Variants in SRF observed in about 807,000 individuals in gnomAD.
SRF encodes c-fos serum response element-binding transcription factor.
A neutral mutation model predicts 37.1 loss-of-function variants in SRF; 7 were observed. That is an observed-to-expected ratio of 0.19 (90% confidence interval 0.11 to 0.35). The LOEUF (loss-of-function observed/expected upper bound fraction) is 0.35. Among genes scored for constraint, SRF ranks in the 10% least tolerant of loss-of-function variants. SRF has a pLI of 1.00. For missense variants in SRF, 395 were observed against 694.4 expected, an observed-to-expected ratio of 0.57 and a Z score of 4.85; for synonymous variants, 285 against 310.1, an observed-to-expected ratio of 0.92 and a Z score of 0.85.
chr6:43,175,673 G>A (rs376046050), intron 2 of SRF, 33 bp from the exon 3 acceptor site: 2 of 1,610,948 alleles, frequency 1.2e-6, no homozygotes, highest in African/African-American at 2.7e-5. Context: ...GATCTGGTAG[G>A]GGCTCATTGC....
chr6:43,175,624 T>G (rs948227122), intron 2 of SRF, 82 bp from the exon 3 acceptor site: 1 of 1,573,906 alleles, frequency 6.4e-7, no homozygotes, highest in Non-Finnish European at 8.7e-7. Flanking sequence ...CTGGTTTCAG[T>G]CTGGGTTCTC....
In SRF at chr6:43,173,832, C is replaced by A. The variant is rs1342663422; in HGVS notation, c.514-15C>A. The A allele has an allele frequency of 1.9e-6, 3 of 1,607,690 alleles. No homozygotes were observed. The highest frequency in any genetic ancestry group is 2.6e-6 in the Non-Finnish European group (3 of 1,175,238). Reference sequence around the variant, plus strand: ...AAAGTTTGCTGACCTGCCCATCTCCCTCCTCACCCCTCAGGCCTATGAGCT... The same window carrying A: ...AAAGTTTGCTGACCTGCCCATCTCCATCCTCACCCCTCAGGCCTATGAGCT... On this transcript the variant is annotated splice_polypyrimidine_tract_variant and intron_variant, in intron 1 of 6. Transcript: ENST00000265354. The surrounding 1 kb of genome is among the most constrained non-coding windows in gnomAD (Gnocchi z 4.2).
rs1367619221 is a variant in SRF, at chr6:43,176,287, A to G, written c.1043-261A>G. Among the ~76,000 whole-genome samples the G allele has an allele frequency of 6.6e-6, 1 of 152,106 alleles. No homozygotes were observed. The highest frequency in any genetic ancestry group is 1.5e-5 in the Non-Finnish European group (1 of 68,022). On this transcript the variant is annotated intron_variant, in intron 3 of 6. Coordinates refer to ENST00000265354, the MANE Select transcript of SRF (RefSeq NM_003131.4). The surrounding 1 kb of genome is among the most constrained non-coding windows in gnomAD (Gnocchi z 4.0). Reference sequence around the variant, plus strand: ...GACTGGAAGGCAGATCATGTCTTTGATGGGTTATTGCCAGCTCTTGGGTCA... The same window carrying G: ...GACTGGAAGGCAGATCATGTCTTTGGTGGGTTATTGCCAGCTCTTGGGTCA...
Position 43,176,676 on chromosome 6 carries a change from C to G in SRF, c.1162+9C>G, listed in dbSNP as rs777014183. Reference sequence around the variant, plus strand: ...CTCCTCCAGCGGGACAGGTATAGCTCGCAGCCCTGTCACCCTCCCTCCCTG... The same window carrying G: ...CTCCTCCAGCGGGACAGGTATAGCTGGCAGCCCTGTCACCCTCCCTCCCTG... On this transcript the variant is annotated intron_variant, in intron 4 of 6. Coordinates refer to ENST00000265354, the MANE Select transcript of SRF (RefSeq NM_003131.4). This position sits in a 1 kb window ranked among gnomAD's most constrained non-coding sequence, Gnocchi z 4.0. 8.1e-6 allele frequency: 13 copies of G among 1,612,854 alleles called. No homozygotes were observed. The East Asian group carries it at 2.7e-4, about 33-fold the overall frequency.
chr6:43,177,293 C>G (rs1396978953), intron 4 of SRF, among the ~76,000 whole-genome samples: 1 of 144,818 alleles, frequency 6.9e-6, no homozygotes, highest in African/African-American at 2.7e-5. Flanking sequence ...GCAGTGGCAC[C>G]ATCTCGGCTC....
At position 43,175,783 on chromosome 6, in the gene SRF, TACC is replaced by T; in HGVS notation, c.863_865del (p.Thr288del). 1 of 1,614,214 alleles carries T rather than the reference TACC, an allele frequency of 6.2e-7. No individual in the cohort carries two copies. The highest frequency in any genetic ancestry group is 8.5e-7 in the Non-Finnish European group (1 of 1,180,020). On this transcript the variant is annotated inframe_deletion, in exon 3 of 7. Coordinates refer to ENST00000265354, the MANE Select transcript of SRF (RefSeq NM_003131.4). ...CCATCCAAACAGCACCTAGCACCTC[TACC>T]ACCATGCAAGTCAGCAGCGGCCCCT... is the stretch of plus-strand genomic sequence containing the variant.
intron 2 of SRF, 87 bp downstream of exon 2, chr6:43,174,200 C>G: frequency 6.6e-7 from 1 of 1,512,388 alleles, no homozygotes; most frequent in Non-Finnish European, 8.9e-7. Context: ...AGGTGCCCAC[C>G]GATGTGGAGT....
intron 4 of SRF, among the ~76,000 whole-genome samples, chr6:43,177,245 T>TTTTTTTTTTTTTTTTTGGGG (rs1445271110): frequency 6.7e-6 from 1 of 149,250 alleles, no homozygotes; most frequent in African/African-American, 2.5e-5. Flanking sequence ...TTTTTTTTTT[T>TTTTTTTTTTTTTTTTTGGGG]GAGACGGAGT....
At chr6:43,177,317 C>T (rs1178437536) in intron 4 of SRF, among the ~76,000 whole-genome samples, 3 of 149,862 alleles carry the variant, frequency 2.0e-5, no homozygotes, top group Non-Finnish European at 4.4e-5. Context: ...GCAAGCTCTG[C>T]CTCCCGGGTT....
rs950786860 is a variant in SRF, at chr6:43,178,552, C to T, written c.1354+67C>T. 7.0e-6 allele frequency: 10 copies of T among 1,435,642 alleles called. No individual in the cohort carries two copies. The highest frequency in any genetic ancestry group is 2.3e-5 in the East Asian group (1 of 43,466). 88.9% of individuals were successfully genotyped at this position (1,435,642 alleles called of 1,614,324 possible). ...TTCTTTATACACACACACACACACA[C>T]ATACACACACATATGCACTGATGCC... On this transcript the variant is annotated intron_variant, in intron 5 of 6. Coordinates refer to ENST00000265354, the MANE Select transcript of SRF (RefSeq NM_003131.4). This position sits in a 1 kb window ranked among gnomAD's most constrained non-coding sequence, Gnocchi z 4.3.
At position 43,178,618 on chromosome 6, in the gene SRF, T is replaced by TCA; in HGVS notation, c.1354+142_1354+143dup. ...CCAAATACAACACAGACTTGGATGC[T>TCA]CACACACACATTTGGACACCCCACT... On this transcript the variant is annotated intron_variant, in intron 5 of 6. Transcript: ENST00000265354. The surrounding 1 kb of genome is among the most constrained non-coding windows in gnomAD (Gnocchi z 4.3). The TCA allele has an allele frequency of 2.3e-6, 3 of 1,330,844 alleles. No homozygotes were observed. Among genetic ancestry groups the TCA allele is most frequent in the South Asian group, 1.3e-5 (1 of 76,264 alleles). The allele number at this position is 1,330,844 out of a possible 1,614,324, so 82.4% of individuals were successfully genotyped here.
intron 2 of SRF, 123 bp from the exon 3 acceptor site, chr6:43,175,583 A>T: frequency 7.9e-7 from 1 of 1,272,582 alleles, no homozygotes; most frequent in Non-Finnish European, 1.1e-6. Flanking sequence ...CATCAGGTAA[A>T]TGGTGGCGTT....
rs1262687593 is a variant in SRF at position 43,178,930 on chromosome 6, C to G, written c.1431+48C>G. 2.5e-6 allele frequency: 4 copies of G among 1,601,636 alleles called. No individual in the cohort carries two copies. The African/African-American group carries it at 4.0e-5, about 16-fold the overall frequency. ...CCATCCCAGATAGCCACTTCTTTGT[C>G]TTGACCTTAGGGGATCCTGTTACCA... On this transcript the variant is annotated intron_variant, in intron 6 of 6. Coordinates refer to ENST00000265354, the MANE Select transcript of SRF (RefSeq NM_003131.4). This position sits in a 1 kb window ranked among gnomAD's most constrained non-coding sequence, Gnocchi z 4.3.
At position 43,171,821 on chromosome 6, in the gene SRF, C is replaced by G; in HGVS notation, c.165C>G (p.Arg55=). Residue 55 remains arginine (R), a synonymous_variant, in exon 1 of 7, where the codon CGC becomes CGG. Transcript: ENST00000265354. The surrounding 1 kb of genome is among the most constrained non-coding windows in gnomAD (Gnocchi z 6.5). ...ATGGCGCGGGGCTCGGGCCCGGCCGCCTGGAGCGGGAGGCTGCGGCAGCGG... is the reference window on the plus strand; with the variant it reads ...ATGGCGCGGGGCTCGGGCCCGGCCGGCTGGAGCGGGAGGCTGCGGCAGCGG... The part of the protein sequence containing the change: ...PGNGAGLGPG[R]LEREAAAAAA... 1 of 1,237,394 alleles carries G rather than the reference C, an allele frequency of 8.1e-7. No individual in the cohort carries two copies. Among genetic ancestry groups the G allele is most frequent in the Non-Finnish European group, 1.0e-6 (1 of 991,542 alleles). 76.7% of individuals were successfully genotyped at this position (1,237,394 alleles called of 1,614,324 possible). A position where few individuals can be genotyped will look rare whatever the true frequency, so the allele number is the denominator to read the frequency against.
chr6:43,178,317 A>T lies in SRF; in HGVS notation c.1186A>T (p.Thr396Ser). 1.2e-6 allele frequency: 2 copies of T among 1,604,570 alleles called. No homozygotes were observed. The highest frequency in any genetic ancestry group is 1.7e-6 in the Non-Finnish European group (2 of 1,173,272). The change falls in exon 5 of 7, where the codon ACG becomes TCG. Residue 396 changes from threonine to serine, a missense_variant. By Grantham distance (58) the Thr-to-Ser change is moderately conservative (BLOSUM62 1). Coordinates refer to ENST00000265354, the MANE Select transcript of SRF (RefSeq NM_003131.4). This position sits in a 1 kb window ranked among gnomAD's most constrained non-coding sequence, Gnocchi z 4.3. ...AGTGACGCTGCCCGCCACCATCATG[A>T]CGTCATCCGTGCCCACAACTGTGGG... Reference protein sequence around the residue: ...GTVTLPATIMTSSVPTTVGGH... With the variant: ...GTVTLPATIMSSSVPTTVGGH...
Position 43,173,223 on chromosome 6 carries a change from T to C in SRF, c.514-624T>C, listed in dbSNP as rs571035667. On this transcript the variant is annotated intron_variant, in intron 1 of 6. Transcript: ENST00000265354. The surrounding 1 kb of genome is among the most constrained non-coding windows in gnomAD (Gnocchi z 4.2). ...ATCACTCCAGACACTGTTGTATCAG[T>C]GTCCCTTGTCACTTGATCATCAGTG... is the stretch of plus-strand genomic sequence containing the variant. Among the ~76,000 whole-genome samples the C allele has an allele frequency of 4.1e-4, 62 of 152,300 alleles. No individual in the cohort carries two copies. The highest frequency in any genetic ancestry group is 1.4e-3 in the African/African-American group (60 of 41,558).
rs1444819148 is a variant in SRF at position 43,173,487 on chromosome 6, C to T, written c.514-360C>T. Among the ~76,000 whole-genome samples the T allele has an allele frequency of 2.0e-5, 3 of 152,168 alleles. No individual in the cohort carries two copies. Among genetic ancestry groups the T allele is most frequent in the South Asian group, 2.1e-4 (1 of 4,832 alleles). ...CCAGTGTGATAGGTAGGGATCCATC[C>T]TGGTCCCTGTGACAGTGAGAAGGGG... On this transcript the variant is annotated intron_variant, in intron 1 of 6. Transcript: ENST00000265354. The surrounding 1 kb of genome is among the most constrained non-coding windows in gnomAD (Gnocchi z 4.2).
Position 43,174,075 on chromosome 6 carries a change from TA to T in SRF, c.743del (p.Tyr248SerfsTer16). 6.2e-7 allele frequency: 1 copy of T among 1,614,194 alleles called. No homozygotes were observed. Among genetic ancestry groups the T allele is most frequent in the Admixed American group, 1.7e-5 (1 of 60,022 alleles). On this transcript the variant is annotated frameshift_variant, in exon 2 of 7. Transcript: ENST00000265354. LOFTEE classifies it high-confidence loss of function. ...TGGCTTTGAAGAGACAGATCTCACC[TA>T]CCAGGTGTCGGAGTCTGACAGCAGT... is the stretch of plus-strand genomic sequence containing the variant. ...ATGFEETDLT[Y>X]QVSESDSSGE...
At position 43,176,748 on chromosome 6, in the gene SRF, T is replaced by C. The variant is rs1421961721; in HGVS notation, c.1162+81T>C. 1.8e-5 allele frequency: 28 copies of C among 1,529,758 alleles called. No individual in the cohort carries two copies. Among genetic ancestry groups the C allele is most frequent in the Non-Finnish European group, 2.3e-5 (26 of 1,126,936 alleles). 94.8% of individuals were successfully genotyped at this position (1,529,758 alleles called of 1,614,324 possible). ...AGTAGGTGCCCAACAGTAACCCTCC[T>C]GTAACTAAAGTCAGGGGATTTCTTA... On this transcript the variant is annotated intron_variant, in intron 4 of 6. Transcript: ENST00000265354. This position sits in a 1 kb window ranked among gnomAD's most constrained non-coding sequence, Gnocchi z 4.0.
Sources: allele counts gnomAD v4.1 joint callset (sites outside exome capture counted in the v4.1 genomes callset), GRCh38; gene constraint gnomAD v4.1.1; non-coding constraint Gnocchi (gnomAD v3.1); transcripts MANE v1.5; gene names NCBI Gene and HGNC (gene_info 2026-07-23, HGNC 2026-07-21).